The following DGKB variants were observed in gnomAD, a reference collection of about 807,000 sequenced individuals.
The protein encoded by DGKB is diacylglycerol kinase beta.
In DGKB, 67 loss-of-function variants were observed where a neutral mutation model predicts 114.3. The observed-to-expected ratio is 0.59, with a 90% CI of 0.48 to 0.72. The LOEUF (loss-of-function observed/expected upper bound fraction) is 0.72, where lower values mean the gene tolerates loss of function less well. Ranked by LOEUF, DGKB falls within the 30% of genes least tolerant of loss-of-function variation. DGKB has a pLI of 0.00. For missense variants in DGKB, 907 were observed against 975.2 expected, an observed-to-expected ratio of 0.93 and a Z score of 0.93; for synonymous variants, 398 against 323.1, an observed-to-expected ratio of 1.23 and a Z score of -2.49.
At chr7:14,532,121 G>A (rs917303472) in intron 20 of DGKB, among the ~76,000 whole-genome samples, 2 of 151,146 alleles carry the variant, frequency 1.3e-5, no homozygotes, top group African/African-American at 4.8e-5. Context: ...ATAAAATATA[G>A]GAGAAATTCT....
intron 23 of DGKB, among the ~76,000 whole-genome samples, chr7:14,296,038 ATT>A (rs67910544): frequency 1.4e-5 from 2 of 141,470 alleles, no homozygotes; most frequent in East Asian, 2.1e-4. Context: ...TCATGAACTC[ATT>A]TTTTTTTTTT....
chr7:14,579,641 G>C (rs553504808), intron 19 of DGKB, among the ~76,000 whole-genome samples: 1 of 152,192 alleles, frequency 6.6e-6, no homozygotes, highest in East Asian at 1.9e-4. Flanking sequence ...TACTCCTGAA[G>C]TATATTCTTA....
chr7:14,240,457 T>G, intron 23 of DGKB, among the ~76,000 whole-genome samples: 1 of 152,054 alleles, frequency 6.6e-6, no homozygotes, highest in East Asian at 1.9e-4. Context: ...CAACATAATT[T>G]TATTTTGGCC....
intron 17 of DGKB, among the ~76,000 whole-genome samples, chr7:14,603,122 C>G (rs2128768804): frequency 6.6e-6 from 1 of 152,070 alleles, no homozygotes; most frequent in East Asian, 1.9e-4. Flanking sequence ...ATTTTTGTTA[C>G]TTTTATTAAT....
intron 25 of DGKB, among the ~76,000 whole-genome samples, chr7:14,171,584 G>C (rs12699574): frequency 0.045 from 6,867 of 152,080 alleles, 306 homozygotes; most frequent in East Asian, 0.25. Context: ...GGAAATAGAA[G>C]GATTAAATCT....
intron 20 of DGKB, among the ~76,000 whole-genome samples, chr7:14,526,693 G>T (rs939795903): frequency 3.3e-5 from 5 of 152,110 alleles, no homozygotes; most frequent in Non-Finnish European, 5.9e-5. Flanking sequence ...TCGTGGACAT[G>T]ATAGGATATC....
Position 14,178,062 on chromosome 7 carries a change from G to A in DGKB, c.2212C>T (p.Arg738Trp), listed in dbSNP as rs1413885392. The A allele has an allele frequency of 1.9e-6, 3 of 1,601,364 alleles. No homozygotes were observed. The highest frequency in any genetic ancestry group is 1.7e-6 in the Non-Finnish European group (2 of 1,175,702). The change falls in exon 24 of 26, where the codon CGG becomes TGG. Residue 738 changes from arginine (R) to tryptophan (W), a missense_variant. Transcript: ENST00000402815. ...ACCACGCAGGAGCACTGAGCCAGCCGCCGGCCAGCACTTTTCAGGCCTGTG... is the reference window on the plus strand; with the variant it reads ...ACCACGCAGGAGCACTGAGCCAGCCACCGGCCAGCACTTTTCAGGCCTGTG... ...IYTGLKSAGR[R>W]LAQCSCVVIR...
chr7:14,442,211 G>T (rs1223651135), intron 21 of DGKB, among the ~76,000 whole-genome samples: 1 of 151,888 alleles, frequency 6.6e-6, no homozygotes, highest in Non-Finnish European at 1.5e-5. Context: ...TCCTTCATGG[G>T]TTTTTTCTTT....
chr7:14,472,407 C>T (rs1283159123), intron 21 of DGKB, among the ~76,000 whole-genome samples: 2 of 152,178 alleles, frequency 1.3e-5, no homozygotes, highest in Non-Finnish European at 2.9e-5. Flanking sequence ...TCCTCCTTGC[C>T]TTCCACCATG....
At chr7:14,769,620 C>G (rs1837114649) in intron 2 of DGKB, among the ~76,000 whole-genome samples, 1 of 151,954 alleles carries the variant, frequency 6.6e-6, no homozygotes. Context: ...TAAAAAGTTA[C>G]CACAAACCTG....
intron 21 of DGKB, among the ~76,000 whole-genome samples, chr7:14,457,520 A>C (rs557792379): frequency 6.6e-6 from 1 of 152,344 alleles, no homozygotes; most frequent in Non-Finnish European, 1.5e-5. Flanking sequence ...ACTTATAAAT[A>C]AAAAAGATTT....
intron 1 of DGKB, among the ~76,000 whole-genome samples, chr7:14,950,141 C>G (rs1310828183): frequency 6.6e-6 from 1 of 151,478 alleles, no homozygotes; most frequent in Non-Finnish European, 1.5e-5. Context: ...AAGACCAAGA[C>G]AAAGAGAAAA....
intron 25 of DGKB, among the ~76,000 whole-genome samples, chr7:14,156,427 C>T (rs1302469265): frequency 6.6e-6 from 1 of 152,118 alleles, no homozygotes; most frequent in Non-Finnish European, 1.5e-5. Context: ...TGCCCTTATA[C>T]AGCAAAGGCA....
At chr7:14,307,412 T>C (rs1050603583) in intron 23 of DGKB, among the ~76,000 whole-genome samples, 2 of 152,210 alleles carry the variant, frequency 1.3e-5, no homozygotes, top group African/African-American at 4.8e-5. Context: ...ATATTTCTAA[T>C]GTATGACTAA....
intron 16 of DGKB, among the ~76,000 whole-genome samples, chr7:14,609,183 G>GT (rs1805069401): frequency 6.6e-6 from 1 of 152,114 alleles, no homozygotes; most frequent in East Asian, 1.9e-4. Context: ...CATGGTACTG[G>GT]TATAAAACCA....
intron 23 of DGKB, among the ~76,000 whole-genome samples, chr7:14,311,808 T>C (rs1018979396): frequency 5.3e-5 from 8 of 152,332 alleles, no homozygotes; most frequent in Middle Eastern, 3.4e-3. Flanking sequence ...TTTGGTGTAA[T>C]ATCAAAATAC....
chr7:14,434,847 G>A (rs1047374174), intron 21 of DGKB, among the ~76,000 whole-genome samples: 1 of 152,062 alleles, frequency 6.6e-6, no homozygotes, highest in African/African-American at 2.4e-5. Context: ...AGAGTATGAC[G>A]TTAATCATTG....
At chr7:14,304,085 A>ACTCTCTCT (rs1436692665) in intron 23 of DGKB, among the ~76,000 whole-genome samples, 507 of 28,528 alleles carry the variant, frequency 0.018, no homozygotes, top group Non-Finnish European at 0.019. Context: ...ACACACACAC[A>ACTCTCTCT]CACTCTCTCT....
intron 1 of DGKB, among the ~76,000 whole-genome samples, chr7:14,963,972 G>A (rs1274526097): frequency 1.3e-5 from 2 of 152,056 alleles, no homozygotes; most frequent in African/African-American, 2.4e-5. Flanking sequence ...ATACACAGAT[G>A]TATGATATTT....
Sources: allele counts gnomAD v4.1 joint callset (sites outside exome capture counted in the v4.1 genomes callset), GRCh38; gene constraint gnomAD v4.1.1; transcripts MANE v1.5; gene names NCBI Gene and HGNC (gene_info 2026-07-23, HGNC 2026-07-21).